Variants in TTN observed in about 807,000 individuals in gnomAD.
TTN encodes titin.
Under a neutral mutation model 3,223.0 loss-of-function variants are expected in TTN, and 1,525 were observed. The observed-to-expected ratio is 0.47, with a 90% CI of 0.45 to 0.49. TTN has a LOEUF of 0.49. TTN is among the 20% of genes least tolerant of loss of function. The probability of loss-of-function intolerance (pLI) is 0.00; values close to 1 mark genes in which losing one functional copy is unlikely to be tolerated. For synonymous variants in TTN, 14,094 were observed against 15,161.0 expected, an observed-to-expected ratio of 0.93 and a Z score of 5.17; for missense variants, 40,786 against 43,424.0, an observed-to-expected ratio of 0.94 and a Z score of 5.40.
rs201120871 is a variant in TTN at position 178,678,777 on chromosome 2, G to A, written c.33796C>T (p.Pro11266Ser). ...GCAGGTGGAGCTTCCACCTTTTTAG[G>A]AACTGGTACTGGTACTTTCTCCTCT... The part of the protein sequence containing the change: ...VPEEKVPVPV[P>S]KKVEAPPAKV... Residue 11266 changes from proline (P) to serine (S), a missense_variant, in exon 143 of 363, where the codon CCT becomes TCT. Physicochemically the swap from Pro to Ser is moderately conservative, Grantham distance 74. Transcript: ENST00000589042. 2.8e-4 allele frequency: 450 copies of A among 1,604,542 alleles called. No individual in the cohort carries two copies. The highest frequency in any genetic ancestry group is 3.6e-4 in the Non-Finnish European group (429 of 1,176,830).
rs1160262402 is a variant in TTN at position 178,785,788 on chromosome 2, C to G, written c.2371-46G>C. The G allele has an allele frequency of 2.5e-6, 4 of 1,614,064 alleles. No homozygotes were observed. In the South Asian group the frequency reaches 4.4e-5, roughly 18 times the overall value. ...GTGATACCATTGATCACCAGATGAC[C>G]ACAGCAGTGAGGCTTGCTTTACCAT... On this transcript the variant is annotated intron_variant, in intron 14 of 362. Coordinates refer to ENST00000589042, the MANE Select transcript of TTN (RefSeq NM_001267550.2).
chr2:178,615,684 T>C lies in TTN; in HGVS notation c.48417A>G (p.Glu16139=), dbSNP rs764867333. 6.2e-7 allele frequency: 1 copy of C among 1,612,556 alleles called. No homozygotes were observed. ...VCARNKCGPG[E]PAYVDEPVNM... ...TTACAGGTTCATCAACATATGCAGGTTCTCCAGGGCCACATTTGTTACGAG... is the reference window on the plus strand; with the variant it reads ...TTACAGGTTCATCAACATATGCAGGCTCTCCAGGGCCACATTTGTTACGAG... The change falls in exon 258 of 363, where the codon GAA becomes GAG. Residue 16139 remains glutamate, a synonymous_variant. Transcript: ENST00000589042.
At chr2:178,756,972 T>G (rs923756989) in intron 45 of TTN, among the ~76,000 whole-genome samples, 175 bp from the exon 46 acceptor site, 2 of 152,040 alleles carry the variant, frequency 1.3e-5, no homozygotes, top group Non-Finnish European at 1.5e-5. Context: ...CAAAAGAAAA[T>G]TCATTCCTGG....
Position 178,561,056 on chromosome 2 carries a change from A to C in TTN, c.85076T>G (p.Met28359Arg), listed in dbSNP as rs763428327. ...AATAACGTCTCGGAACTTGACATCC[A>C]TCATAACTCTTGGAGGCTCAACATC... The part of the protein sequence containing the change: ...KDDVEPPRVM[M>R]DVKFRDVIVV... Residue 28359 changes from methionine (M) to arginine (R), a missense_variant, in exon 326 of 363, where the codon ATG (methionine) becomes AGG (arginine). Coordinates refer to ENST00000589042, the MANE Select transcript of TTN (RefSeq NM_001267550.2). The C allele has an allele frequency of 6.2e-7, 1 of 1,613,888 alleles. No individual in the cohort carries two copies. The highest frequency in any genetic ancestry group is 1.7e-5 in the Admixed American group (1 of 60,002).
In TTN at chr2:178,576,084, G is replaced by A. The variant is rs1390481050; in HGVS notation, c.70048C>T (p.Leu23350Phe). ...MAPDFELDAELRRTLVVRAGL... is the reference protein window; with the variant it reads ...MAPDFELDAEFRRTLVVRAGL... Reference sequence around the variant, plus strand: ...GCTCTAACAACAAGTGTTCTTCGAAGCTCGGCATCTAGTTCAAAATCAGGA... The same window carrying A: ...GCTCTAACAACAAGTGTTCTTCGAAACTCGGCATCTAGTTCAAAATCAGGA... Residue 23350 changes from leucine (L) to phenylalanine (F), a missense_variant, in exon 326 of 363, where the codon CTT (leucine) becomes TTT (phenylalanine). Leu to Phe is a conservative substitution (Grantham distance 22). Coordinates refer to ENST00000589042, the MANE Select transcript of TTN (RefSeq NM_001267550.2). This position sits in a 1 kb window ranked among gnomAD's most constrained non-coding sequence, Gnocchi z 4.3. The A allele has an allele frequency of 1.9e-6, 3 of 1,613,456 alleles. No homozygotes were observed. The South Asian group carries it at 3.3e-5, about 18-fold the overall frequency.
In TTN at chr2:178,623,571, G is replaced by A. The variant is rs1383696002; in HGVS notation, c.44816-804C>T. ...CTCCTTGCAGCTGAGCCTTCTTGGAGTGAAGGTAGATGTCAAGGTGAAGAA... is the reference window on the plus strand; with the variant it reads ...CTCCTTGCAGCTGAGCCTTCTTGGAATGAAGGTAGATGTCAAGGTGAAGAA... On this transcript the variant is annotated intron_variant, in intron 242 of 362. Coordinates refer to ENST00000589042, the MANE Select transcript of TTN (RefSeq NM_001267550.2). Among the ~76,000 whole-genome samples the A allele has an allele frequency of 2.0e-5, 3 of 151,892 alleles. No individual in the cohort carries two copies. The South Asian group carries it at 6.2e-4, about 31-fold the overall frequency.
chr2:178,697,186 T>TA lies in TTN; in HGVS notation c.30755-19dup, dbSNP rs781367682. ...GACAATCTCTGGGAGTTTAAAAACA[T>TA]AAAAATGTGTGTTTATTTTTAGATT... is the stretch of plus-strand genomic sequence containing the variant. On this transcript the variant is annotated intron_variant, in intron 112 of 362. Transcript: ENST00000589042. 1 of 1,505,596 alleles carries TA rather than the reference T, an allele frequency of 6.6e-7. No homozygotes were observed. The highest frequency in any genetic ancestry group is 1.3e-5 in the South Asian group (1 of 75,766). The allele number at this position is 1,505,596 out of a possible 1,614,324, so 93.3% of individuals were successfully genotyped here.
In TTN at chr2:178,770,094, C is replaced by T; in HGVS notation, c.8607G>A (p.Gly2869=). 3 of 1,614,132 alleles carry T rather than the reference C, an allele frequency of 1.9e-6. No individual in the cohort carries two copies. The highest frequency in any genetic ancestry group is 2.2e-5 in the South Asian group (2 of 91,082). Residue 2869 remains glycine, a synonymous_variant, in exon 36 of 363, where the codon GGG becomes GGA. Transcript: ENST00000589042. ...SDAGEYTAVV[G]QLECKAKLFV... is the part of the protein sequence containing the mutation. ...ACAGTTTTGCTTTGCATTCCAATTGCCCGACCACAGCTGTGTATTCCCCAG... is the reference window on the plus strand; with the variant it reads ...ACAGTTTTGCTTTGCATTCCAATTGTCCGACCACAGCTGTGTATTCCCCAG...
intron 351 of TTN, 37 bp downstream of exon 351, chr2:178,540,031 G>A (rs1367326745): frequency 1.9e-6 from 3 of 1,596,368 alleles, no homozygotes; most frequent in East Asian, 4.5e-5. Flanking sequence ...TAAGTCTATG[G>A]CAATTATTGC....
At position 178,617,922 on chromosome 2, in the gene TTN, G is replaced by A. The variant is rs748816848; in HGVS notation, c.47429C>T (p.Thr15810Ile). Residue 15810 changes from threonine to isoleucine, a missense_variant, in exon 253 of 363, where the codon ACT (threonine) becomes ATT (isoleucine). By Grantham distance (89) the Thr-to-Ile change is moderately conservative. Coordinates refer to ENST00000589042, the MANE Select transcript of TTN (RefSeq NM_001267550.2). ...KTSIRWDTAM[T>I]VRAEDLSATV... ...TGCAGACAGGTCTTCAGCTCTCACAGTCATGGCAGTATCCCACCTGATAGA... is the reference window on the plus strand; with the variant it reads ...TGCAGACAGGTCTTCAGCTCTCACAATCATGGCAGTATCCCACCTGATAGA... 9.9e-6 allele frequency: 16 copies of A among 1,612,670 alleles called. No individual in the cohort carries two copies. In the South Asian group the frequency reaches 1.2e-4, roughly 12 times the overall value.
In TTN at chr2:178,572,419, T is replaced by G. The variant is rs780859891; in HGVS notation, c.73713A>C (p.Thr24571=). 1.2e-6 allele frequency: 2 copies of G among 1,613,100 alleles called. No individual in the cohort carries two copies. Among genetic ancestry groups the G allele is most frequent in the Admixed American group, 3.3e-5 (2 of 59,972 alleles). Residue 24571 remains threonine, a synonymous_variant, in exon 326 of 363, where the codon ACA becomes ACC. Transcript: ENST00000589042. ...CCTTCCAGGAAGTCTTGTGGCAGTT[T>G]GTTGCAACAGTTGAATATGCTTTTC... ...STRKAYSTVA[T]NCHKTSWKVD... is the part of the protein sequence containing the mutation.
chr2:178,526,792 C>T lies in TTN; in HGVS notation c.*220G>A, dbSNP rs1686585733. The T allele has an allele frequency of 5.1e-6, 2 of 394,256 alleles. No homozygotes were observed. The highest frequency in any genetic ancestry group is 4.1e-5 in the African/African-American group (2 of 48,642). 24.4% of individuals were successfully genotyped at this position (394,256 alleles called of 1,614,324 possible). On this transcript the variant is annotated 3_prime_UTR_variant, in exon 363 of 363. Transcript: ENST00000589042. ...GGTACAAAACTTTATAACCGTTAATCCGGCTATATACAGTATGTACATGTC... is the reference window on the plus strand; with the variant it reads ...GGTACAAAACTTTATAACCGTTAATTCGGCTATATACAGTATGTACATGTC...
At chr2:178,650,939 A>G in intron 208 of TTN, 105 bp from the exon 209 acceptor site, 1 of 1,224,954 alleles carries the variant, frequency 8.2e-7, no homozygotes, top group Non-Finnish European at 1.2e-6. Context: ...GACAGATCCA[A>G]GAACAAATTT....
rs369631190 is a variant in TTN at position 178,652,876 on chromosome 2, A to C, written c.38931T>G (p.Pro12977=). 20 of 1,611,706 alleles carry C rather than the reference A, an allele frequency of 1.2e-5. No homozygotes were observed. The highest frequency in any genetic ancestry group is 1.7e-5 in the Non-Finnish European group (20 of 1,179,136). ...VPEKKMPLAP[P]KKPEVPPVKV... ...TAACAGGAGGGACTTCAGGCTTTTT[A>C]GGAGGAGCCAAGGGCATTTTCTTTT... Residue 12977 remains proline, a synonymous_variant, in exon 200 of 363, where the codon CCT becomes CCG. Transcript: ENST00000589042.
In TTN at chr2:178,611,193, C is replaced by T; in HGVS notation, c.50936G>A (p.Arg16979Lys). ...GEKLSIPVPFRAVPVPTVSWH... is the reference protein window; with the variant it reads ...GEKLSIPVPFKAVPVPTVSWH... ...ACTAACAGTTGGAACTGGGACAGCT[C>T]TGAAGGGAACAGGAATGCTTAACTT... Residue 16979 changes from arginine (R) to lysine (K), a missense_variant, in exon 270 of 363, where the codon AGA (arginine) becomes AAA (lysine). Physicochemically the swap from Arg to Lys is conservative, Grantham distance 26. Coordinates refer to ENST00000589042, the MANE Select transcript of TTN (RefSeq NM_001267550.2). 1.2e-6 allele frequency: 2 copies of T among 1,612,756 alleles called. No homozygotes were observed. The highest frequency in any genetic ancestry group is 1.7e-6 in the Non-Finnish European group (2 of 1,179,276).
rs1194981313 is a variant in TTN, at chr2:178,561,975, G to A, written c.84157C>T (p.Leu28053Phe). The A allele has an allele frequency of 2.2e-5, 36 of 1,613,244 alleles. No individual in the cohort carries two copies. Among genetic ancestry groups the A allele is most frequent in the Non-Finnish European group, 3.0e-5 (35 of 1,179,516 alleles). The change falls in exon 326 of 363, where the codon CTT becomes TTT. Residue 28053 changes from leucine (L) to phenylalanine (F), a missense_variant. Transcript: ENST00000589042. ...GGACCTGGAGGTCCTGGTCTGTCAA[G>A]GACAATTATAGTAATAGGAACTGTT... ...SITVPITIIVLDRPGPPGPIR... is the reference protein window; with the variant it reads ...SITVPITIIVFDRPGPPGPIR...
At position 178,594,072 on chromosome 2, in the gene TTN, T is replaced by C; in HGVS notation, c.58321A>G (p.Thr19441Ala). 1 of 1,613,492 alleles carries C rather than the reference T, an allele frequency of 6.2e-7. No individual in the cohort carries two copies. The highest frequency in any genetic ancestry group is 1.1e-5 in the South Asian group (1 of 91,064). ...DRTHIKTTPA[T>A]LALEKIKAKR... ...GCCTTGATCTTCTCTAAAGCAAGTG[T>C]TGCTGGTGTAGTCTTTATATGAGTG... Residue 19441 changes from threonine to alanine, a missense_variant, in exon 297 of 363, where the codon ACA becomes GCA. Coordinates refer to ENST00000589042, the MANE Select transcript of TTN (RefSeq NM_001267550.2).
rs760908766 is a variant in TTN, at chr2:178,630,365, A to G, written c.44157T>C (p.Asp14719=). The G allele has an allele frequency of 8.1e-6, 13 of 1,598,160 alleles. No individual in the cohort carries two copies. The highest frequency in any genetic ancestry group is 5.4e-5 in the Admixed American group (3 of 55,150). Residue 14719 remains aspartate, a splice_region_variant and synonymous_variant, in exon 239 of 363, where the codon GAT becomes GAC. Coordinates refer to ENST00000589042, the MANE Select transcript of TTN (RefSeq NM_001267550.2). ...LKGEALLQTP[D]CEIKEEGKIH... ...TTTTGCCTTCTTCCTTAATTTCACAATCCTGTACCAACAAAACAGAAAAAC... is the reference window on the plus strand; with the variant it reads ...TTTTGCCTTCTTCCTTAATTTCACAGTCCTGTACCAACAAAACAGAAAAAC...
Position 178,554,156 on chromosome 2 carries a change from AC to A in TTN, c.88954del (p.Val29652LeufsTer14). 1 of 1,611,566 alleles carries A rather than the reference AC, an allele frequency of 6.2e-7. No homozygotes were observed. Among genetic ancestry groups the A allele is most frequent in the Non-Finnish European group, 8.5e-7 (1 of 1,179,228 alleles). ...ATCTGCAATTGGCCTGCTCCATACAACAGTCATCGAATTCTTGGTAATCTTT... is the reference window on the plus strand; with the variant it reads ...ATCTGCAATTGGCCTGCTCCATACAAAGTCATCGAATTCTTGGTAATCTTT... ...VTKITKNSMT[V>X]VWSRPIADGG... is the part of the protein sequence containing the mutation. On this transcript the variant is annotated frameshift_variant, in exon 333 of 363. Coordinates refer to ENST00000589042, the MANE Select transcript of TTN (RefSeq NM_001267550.2). LOFTEE classifies it high-confidence loss of function.
Sources: gnomAD v4.1 joint callset for allele counts (sites outside exome capture counted in the v4.1 genomes callset) on GRCh38, gnomAD v4.1.1 for gene constraint, Gnocchi (gnomAD v3.1) non-coding constraint, MANE v1.5 for transcripts, NCBI Gene and HGNC (gene_info 2026-07-23, HGNC 2026-07-21) for gene names.